SLC30A7: variants seen among roughly 807,000 people sequenced by gnomAD.
SLC30A7 encodes zinc transporter 7.
Under a neutral mutation model 46.0 loss-of-function variants are expected in SLC30A7, and 35 were observed. The ratio of observed to expected loss-of-function variants is 0.76; its 90% CI spans 0.58 to 1.01. SLC30A7 has a LOEUF of 1.01. Among genes scored for constraint, SLC30A7 ranks in the 50% least tolerant of loss-of-function variants. SLC30A7 has a pLI of 0.00. For missense variants in SLC30A7, 464 were observed against 451.1 expected (o/e 1.03, Z -0.26); for synonymous variants, 147 against 157.8 (o/e 0.93, Z 0.51).
At chr1:100,990,633 T>A in the SLC30A7 span, 1 of 1,608,902 alleles carries the variant, frequency 6.2e-7, no homozygotes, top group Admixed American at 1.7e-5. Context: ...CGGTAACTGC[T>A]ATTAAAAAAA....
At position 100,896,227 on chromosome 1, in the gene SLC30A7, A is replaced by T. The variant is rs758317655; in HGVS notation, c.-36A>T. Reference sequence around the variant, plus strand: ...CATCACCCCACGGAGCCACTTCTAGAGGGGAGTAGACCCGGCCCTTCGCCG... The same window carrying T: ...CATCACCCCACGGAGCCACTTCTAGTGGGGAGTAGACCCGGCCCTTCGCCG... On this transcript the variant is annotated 5_prime_UTR_variant, in exon 1 of 11. Transcript: ENST00000357650. The T allele has an allele frequency of 6.3e-7, 1 of 1,599,968 alleles. No homozygotes were observed. The highest frequency in any genetic ancestry group is 1.3e-5 in the African/African-American group (1 of 74,634).
chr1:100,948,446 C>A (rs144811140), intron 8 of SLC30A7, among the ~76,000 whole-genome samples: 5 of 152,116 alleles, frequency 3.3e-5, no homozygotes, highest in African/African-American at 1.2e-4. Context: ...TGTGGGTAAC[C>A]CGACCTTTCT....
At chr1:100,901,300 T>C (rs996206081) in intron 2 of SLC30A7, among the ~76,000 whole-genome samples, 1 of 151,984 alleles carries the variant, frequency 6.6e-6, no homozygotes, top group Non-Finnish European at 1.5e-5. Context: ...TCTTAATTTA[T>C]AGGTTCTCTT....
chr1:100,955,908 C>T (rs760331368), intron 8 of SLC30A7, among the ~76,000 whole-genome samples: 2 of 152,040 alleles, frequency 1.3e-5, no homozygotes, highest in Non-Finnish European at 2.9e-5. Flanking sequence ...AGTTATTGCT[C>T]CTACAGCTGA....
At position 100,961,101 on chromosome 1, in the gene SLC30A7, C is replaced by T. The variant is rs557018626; in HGVS notation, c.843-727C>T. Among the ~76,000 whole-genome samples the T allele has an allele frequency of 5.9e-5, 9 of 151,628 alleles. No homozygotes were observed. The South Asian group carries it at 1.7e-3, about 28-fold the overall frequency. On this transcript the variant is annotated intron_variant, in intron 8 of 10. Coordinates refer to ENST00000357650, the MANE Select transcript of SLC30A7 (RefSeq NM_133496.5). ...TCCCCAGTAGCTGGGACTACAGGCGCCCGCCACCATGCCCGGCTGATTTTT... is the reference window on the plus strand; with the variant it reads ...TCCCCAGTAGCTGGGACTACAGGCGTCCGCCACCATGCCCGGCTGATTTTT...
chr1:100,951,587 C>T (rs115523210), intron 8 of SLC30A7, among the ~76,000 whole-genome samples: 1 of 152,126 alleles, frequency 6.6e-6, no homozygotes, highest in Admixed American at 6.5e-5. Flanking sequence ...TCCCTACTGC[C>T]CAGTGTGCTC....
intron 8 of SLC30A7, among the ~76,000 whole-genome samples, chr1:100,947,547 G>A (rs1019779204): frequency 9.2e-5 from 14 of 152,190 alleles, no homozygotes; most frequent in African/African-American, 3.1e-4. Context: ...GGGGTGGAGA[G>A]TTCTGTAGAT....
chr1:100,976,185 A>C lies in SLC30A7; in HGVS notation c.*1328A>C, dbSNP rs1030650758. The C allele has an allele frequency of 7.9e-5, 12 of 152,242 alleles. No homozygotes were observed. Among genetic ancestry groups the C allele is most frequent in the Admixed American group, 5.2e-4 (8 of 15,292 alleles). 9.4% of individuals were successfully genotyped at this position (152,242 alleles called of 1,614,324 possible). A position where few individuals can be genotyped will look rare whatever the true frequency, so the allele number is the denominator to read the frequency against. ...AAACTTTCCTATATCTTTCCTTGCC[A>C]TTTCTATGGATTTTATAATGAAAGA... On this transcript the variant is annotated 3_prime_UTR_variant, in exon 11 of 11. Transcript: ENST00000357650.
intron 8 of SLC30A7, among the ~76,000 whole-genome samples, chr1:100,946,714 G>C (rs1310419893): frequency 1.3e-5 from 2 of 152,122 alleles, no homozygotes; most frequent in African/African-American, 4.8e-5. Flanking sequence ...TTTTTGCATC[G>C]ATGTTCATTA....
At chr1:100,929,974 G>A (rs1653568059) in intron 8 of SLC30A7, among the ~76,000 whole-genome samples, 1 of 152,028 alleles carries the variant, frequency 6.6e-6, no homozygotes, top group East Asian at 1.9e-4. Flanking sequence ...ACAATTAGTT[G>A]TAGCTTTGAA....
chr1:100,963,708 C>T (rs1655679198), intron 9 of SLC30A7, among the ~76,000 whole-genome samples: 1 of 150,490 alleles, frequency 6.6e-6, no homozygotes, highest in Admixed American at 6.6e-5. Flanking sequence ...AGCCACAAAC[C>T]ACATGTGGCT....
At chr1:100,910,494 T>G (rs1652013049) in intron 3 of SLC30A7, among the ~76,000 whole-genome samples, 1 of 152,112 alleles carries the variant, frequency 6.6e-6, no homozygotes, top group Non-Finnish European at 1.5e-5. Flanking sequence ...TATGCTAGAT[T>G]TATTAATCTT....
chr1:100,896,145 G>A lies in SLC30A7; in HGVS notation c.-118G>A. The A allele has an allele frequency of 1.2e-6, 1 of 855,018 alleles. No homozygotes were observed. The highest frequency in any genetic ancestry group is 1.4e-5 in the South Asian group (1 of 70,202). 53.0% of individuals were successfully genotyped at this position (855,018 alleles called of 1,614,324 possible). ...GTGTCTGTCTGTGTCTCGCAGCGGC[G>A]CGCGGCCCCGGACAAGCGCTGGGGA... On this transcript the variant is annotated 5_prime_UTR_variant, in exon 1 of 11. Transcript: ENST00000357650.
At chr1:100,946,006 C>T (rs560366961) in intron 8 of SLC30A7, among the ~76,000 whole-genome samples, 100 of 152,170 alleles carry the variant, frequency 6.6e-4, no homozygotes, top group Non-Finnish European at 6.6e-4. Context: ...TTCACATCCC[C>T]TGTAAGTTGG....
intron 8 of SLC30A7, among the ~76,000 whole-genome samples, chr1:100,955,324 C>T (rs1655168126): frequency 6.6e-6 from 1 of 152,004 alleles, no homozygotes; most frequent in Non-Finnish European, 1.5e-5. Flanking sequence ...TAAGTAACTA[C>T]TGCTTATTTA....
chr1:100,995,981 G>C, the SLC30A7 span: 4 of 152,184 alleles, frequency 2.6e-5, no homozygotes, highest in African/African-American at 9.7e-5. Context: ...GATTTCCTAA[G>C]TGATTATAGA....
intron 10 of SLC30A7, among the ~76,000 whole-genome samples, chr1:100,970,285 T>G (rs1430096334): frequency 6.6e-6 from 1 of 152,166 alleles, no homozygotes; most frequent in African/African-American, 2.4e-5. Context: ...TTGTTAAAAC[T>G]TTTATGAGGA....
chr1:100,903,629 TA>T (rs1651450185), intron 2 of SLC30A7, among the ~76,000 whole-genome samples: 1 of 152,158 alleles, frequency 6.6e-6, no homozygotes, highest in Non-Finnish European at 1.5e-5. Flanking sequence ...CTTTCTAATA[TA>T]TCTATATTTC....
Position 100,912,115 on chromosome 1 carries a change from G to C in SLC30A7, c.388G>C (p.Ala130Pro), listed in dbSNP as rs760080452. The change falls in exon 5 of 11, where the codon GCA becomes CCA. Residue 130 changes from alanine to proline, a missense_variant. Transcript: ENST00000357650. Reference sequence around the variant, plus strand: ...GTTTGTATTATGTGTTTTCTAGAGAGCATTAGCCCCTCCAGATGTCCACCA... The same window carrying C: ...GTTTGTATTATGTGTTTTCTAGAGACCATTAGCCCCTCCAGATGTCCACCA... ...FFIFSEGVER[A>P]LAPPDVHHER... 3 of 1,613,412 alleles carry C rather than the reference G, an allele frequency of 1.9e-6. No individual in the cohort carries two copies. The African/African-American group carries it at 4.0e-5, about 22-fold the overall frequency.
Sources: gnomAD v4.1 joint callset for allele counts (sites outside exome capture counted in the v4.1 genomes callset) on GRCh38, gnomAD v4.1.1 for gene constraint, MANE v1.5 for transcripts, NCBI Gene and HGNC (gene_info 2026-07-23, HGNC 2026-07-21) for gene names.